Variants in TENM2 observed in about 807,000 individuals in gnomAD.
The protein encoded by TENM2 is teneurin transmembrane protein 2, also known as teneurin-2.
TENM2 carries 52 observed loss-of-function variants against 245.2 expected under a neutral mutation model. The observed-to-expected ratio is 0.21, with a 90% confidence interval of 0.17 to 0.27. The LOEUF (loss-of-function observed/expected upper bound fraction) is 0.27, where lower values mean the gene tolerates loss of function less well. TENM2 is among the 10% of genes least tolerant of loss of function. TENM2 has a pLI of 1.00. For synonymous variants in TENM2, 1,363 were observed against 1,438.9 expected (o/e 0.95, Z 1.19); for missense variants, 3,046 against 3,666.8 (o/e 0.83, Z 4.37).
chr5:168,250,710 C>T (rs1169272945), intron 27 of TENM2, among the ~76,000 whole-genome samples: 3 of 152,164 alleles, frequency 2.0e-5, no homozygotes, highest in South Asian at 2.1e-4. Context: ...TATGGCCAAG[C>T]GACCTAGGCT....
At chr5:167,226,154 A>C in the TENM2 span, among the ~76,000 whole-genome samples, 2 of 151,744 alleles carry the variant, frequency 1.3e-5, no homozygotes, top group Non-Finnish European at 3.0e-5. Context: ...TATTTTGATT[A>C]ATTCTGCTCT....
the TENM2 span, among the ~76,000 whole-genome samples, chr5:167,010,115 C>T: frequency 1.5e-4 from 23 of 152,188 alleles, no homozygotes; most frequent in African/African-American, 5.3e-4. Context: ...GGCGTGGTGG[C>T]TCACACCTGT....
chr5:168,242,398 C>A (rs546887537), intron 25 of TENM2, among the ~76,000 whole-genome samples: 1 of 152,118 alleles, frequency 6.6e-6, no homozygotes, highest in African/African-American at 2.4e-5. Context: ...CATTTCAGGG[C>A]ACTCAATGGA....
intron 9 of TENM2, among the ~76,000 whole-genome samples, chr5:168,105,128 G>A (rs955214118): frequency 6.6e-6 from 1 of 152,162 alleles, no homozygotes; most frequent in Non-Finnish European, 1.5e-5. Context: ...TATAAATGGG[G>A]GAGTAAGTTC....
At chr5:168,040,335 T>G (rs1201898983) in intron 5 of TENM2, among the ~76,000 whole-genome samples, 1 of 152,174 alleles carries the variant, frequency 6.6e-6, no homozygotes, top group Non-Finnish European at 1.5e-5. Context: ...ATTCTGGGAT[T>G]GTATCTGCCT....
intron 3 of TENM2, among the ~76,000 whole-genome samples, chr5:167,926,917 C>T (rs1777814571): frequency 6.6e-6 from 1 of 152,188 alleles, no homozygotes; most frequent in Admixed American, 6.5e-5. Flanking sequence ...TTATTTCTTA[C>T]AACTGCATGT....
intron 7 of TENM2, among the ~76,000 whole-genome samples, chr5:168,079,121 A>T (rs2152179166): frequency 6.6e-6 from 1 of 152,258 alleles, no homozygotes; most frequent in South Asian, 2.1e-4. Context: ...AGTGGTTTGT[A>T]GTTCTCCTTG....
chr5:167,132,421 G>C, the TENM2 span, among the ~76,000 whole-genome samples: 3 of 152,080 alleles, frequency 2.0e-5, no homozygotes, highest in Admixed American at 2.0e-4. Context: ...ACTTCTGAGG[G>C]AGAGAGAGAG....
chr5:167,397,249 AGAAAG>A (rs1370342294), intron 2 of TENM2, among the ~76,000 whole-genome samples: 1 of 152,066 alleles, frequency 6.6e-6, no homozygotes, highest in African/African-American at 2.4e-5. Flanking sequence ...AGGAAAATGA[AGAAAG>A]GAAAGAGAAA....
chr5:167,778,730 G>T (rs1432180762), intron 2 of TENM2, among the ~76,000 whole-genome samples: 2 of 152,098 alleles, frequency 1.3e-5, no homozygotes, highest in African/African-American at 2.4e-5. Flanking sequence ...CCTACAAAAG[G>T]AATTAAAATG....
upstream of TENM2, chr5:167,284,726 G>T (rs374443889): frequency 2.0e-5 from 15 of 751,004 alleles, no homozygotes; most frequent in African/African-American, 2.6e-4. Context: ...AGCATTTCTT[G>T]TAATCACAGT....
At chr5:167,639,227 G>A (rs1355108733) in intron 2 of TENM2, among the ~76,000 whole-genome samples, 1 of 152,144 alleles carries the variant, frequency 6.6e-6, no homozygotes, top group Non-Finnish European at 1.5e-5. Flanking sequence ...CACAATTTTG[G>A]CTGGTGTATT....
intron 2 of TENM2, among the ~76,000 whole-genome samples, chr5:167,548,192 CT>C (rs1393681677): frequency 6.6e-6 from 1 of 152,138 alleles, no homozygotes; most frequent in African/African-American, 2.4e-5. Flanking sequence ...ATGAAAGGTG[CT>C]TTAGAAGGCA....
chr5:167,554,289 C>G (rs1258823536), intron 2 of TENM2, among the ~76,000 whole-genome samples: 6 of 152,148 alleles, frequency 3.9e-5, no homozygotes, highest in Admixed American at 3.3e-4. Flanking sequence ...GCATTATACT[C>G]TAAATAGAAA....
intron 2 of TENM2, among the ~76,000 whole-genome samples, chr5:167,461,559 A>G (rs1766292757): frequency 6.6e-6 from 1 of 152,202 alleles, no homozygotes; most frequent in African/African-American, 2.4e-5. Context: ...TTTAATGTTT[A>G]TAAGAGATAT....
the TENM2 span, among the ~76,000 whole-genome samples, chr5:167,100,060 C>T: frequency 3.9e-5 from 6 of 152,294 alleles, no homozygotes; most frequent in East Asian, 3.9e-4. Flanking sequence ...CACCTGTAGA[C>T]GAAAGGCCAT....
At chr5:168,189,232 C>T (rs1197416262) in intron 13 of TENM2, among the ~76,000 whole-genome samples, 5 of 152,304 alleles carry the variant, frequency 3.3e-5, no homozygotes, top group East Asian at 1.9e-4. Flanking sequence ...CATTGAACTT[C>T]GAAGGATCAC....
intron 3 of TENM2, among the ~76,000 whole-genome samples, chr5:167,900,229 T>A (rs933852175): frequency 2.5e-4 from 38 of 151,464 alleles, no homozygotes; most frequent in African/African-American, 8.5e-4. Context: ...AGGAAGCCCT[T>A]AGATGAGAGA....
chr5:167,746,615 G>C (rs1373692968), intron 2 of TENM2, among the ~76,000 whole-genome samples: 6 of 149,990 alleles, frequency 4.0e-5, no homozygotes, highest in South Asian at 2.1e-4. Context: ...CTCACGACTT[G>C]TGTGTCATCT....
Sources: allele counts gnomAD v4.1 joint callset (sites outside exome capture counted in the v4.1 genomes callset), GRCh38; gene constraint gnomAD v4.1.1; transcripts MANE v1.5; gene names NCBI Gene and HGNC (gene_info 2026-07-23, HGNC 2026-07-21).